Variants in MYO16 observed in about 807,000 individuals in gnomAD.
MYO16 encodes unconventional myosin-XVI.
MYO16 carries 94 observed loss-of-function variants against 205.3 expected under a neutral mutation model. That is an observed-to-expected ratio of 0.46 (90% confidence interval 0.39 to 0.54). The LOEUF is 0.54. MYO16 is among the 20% of genes least tolerant of loss of function. MYO16 has a pLI of 0.00. For synonymous variants in MYO16, 988 were observed against 954.0 expected (o/e 1.04, Z -0.66); for missense variants, 2,315 against 2,387.5 (o/e 0.97, Z 0.63).
At chr13:108,972,249 C>CTCTCTCTCTCTCTATATATA (rs1178345437) in intron 20 of MYO16, among the ~76,000 whole-genome samples, 3 of 2,850 alleles carry the variant, frequency 1.1e-3, no homozygotes, top group Non-Finnish European at 1.8e-3. Context: ...CTCTCTCTCT[C>CTCTCTCTCTCTCTATATATA]TATATATATA....
intron 1 of MYO16, among the ~76,000 whole-genome samples, chr13:108,648,309 A>G (rs947642861): frequency 1.3e-5 from 2 of 152,146 alleles, no homozygotes; most frequent in African/African-American, 4.8e-5. Flanking sequence ...AGCACTGAAT[A>G]CTGATTTTCA....
Position 109,207,182 on chromosome 13 carries a change from G to T in MYO16, c.*346G>T. On this transcript the variant is annotated 3_prime_UTR_variant, in exon 35 of 35. Transcript: ENST00000457511. ...GAAAGGAGCAATCCATGCACACTCT[G>T]TACAGTTGTTTTTCTACGGTTCAAC... 4.2e-6 allele frequency: 1 copy of T among 240,274 alleles called. No individual in the cohort carries two copies. Among genetic ancestry groups the T allele is most frequent in the East Asian group, 9.4e-5 (1 of 10,636 alleles). 14.9% of individuals were successfully genotyped at this position (240,274 alleles called of 1,614,324 possible). A position where few individuals can be genotyped will look rare whatever the true frequency, so the allele number is the denominator to read the frequency against.
At chr13:108,822,680 A>G (rs997978100) in intron 8 of MYO16, among the ~76,000 whole-genome samples, 2 of 152,148 alleles carry the variant, frequency 1.3e-5, no homozygotes, top group Non-Finnish European at 2.9e-5. Flanking sequence ...CTGAGTATTT[A>G]CTTGTACAAC....
At chr13:109,102,727 C>A (rs1450591091) in intron 28 of MYO16, among the ~76,000 whole-genome samples, 2 of 152,096 alleles carry the variant, frequency 1.3e-5, no homozygotes, top group Non-Finnish European at 2.9e-5. Flanking sequence ...TTGGTAAGCC[C>A]TGCCAGCCAT....
chr13:109,005,329 A>G (rs914095877), intron 21 of MYO16, among the ~76,000 whole-genome samples: 1 of 152,202 alleles, frequency 6.6e-6, no homozygotes, highest in African/African-American at 2.4e-5. Context: ...TTAAGAAACC[A>G]TCTTTTACCA....
intron 10 of MYO16, among the ~76,000 whole-genome samples, chr13:108,846,417 A>G (rs989902684): frequency 1.3e-5 from 2 of 152,184 alleles, no homozygotes; most frequent in South Asian, 4.1e-4. Context: ...CTTGTTATAT[A>G]TAAACCCATT....
Position 109,055,620 on chromosome 13 carries a change from G to A in MYO16, c.3335+25G>A, listed in dbSNP as rs775993253. 2.0e-5 allele frequency: 32 copies of A among 1,587,774 alleles called. No homozygotes were observed. In the South Asian group the frequency reaches 2.8e-4, roughly 14 times the overall value. ...GGTAAATTCTTCTGCTCTTAAAATCGTCGTTCTCGCTGCTGTTCAGTGCAG... is the reference window on the plus strand; with the variant it reads ...GGTAAATTCTTCTGCTCTTAAAATCATCGTTCTCGCTGCTGTTCAGTGCAG... On this transcript the variant is annotated intron_variant, in intron 27 of 34. Transcript: ENST00000457511. This position sits in a 1 kb window ranked among gnomAD's most constrained non-coding sequence, Gnocchi z 5.0.
At chr13:108,784,124 A>AG (rs1408011093) in intron 4 of MYO16, among the ~76,000 whole-genome samples, 3 of 152,212 alleles carry the variant, frequency 2.0e-5, no homozygotes, top group African/African-American at 7.2e-5. Context: ...CCTTGACCAA[A>AG]GCACTGCCGT....
chr13:108,806,836 A>C, intron 7 of MYO16, 32 bp downstream of exon 7: 3 of 1,355,332 alleles, frequency 2.2e-6, no homozygotes, highest in Non-Finnish European at 2.9e-6. Context: ...TTTAAAAAAT[A>C]ATTTTATATA....
upstream of MYO16, among the ~76,000 whole-genome samples, chr13:108,626,607 C>A (rs1879745690): frequency 6.6e-6 from 1 of 151,904 alleles, no homozygotes; most frequent in African/African-American, 2.4e-5. Context: ...CAAGCCTGAC[C>A]AGCCTGACTA....
intron 1 of MYO16, among the ~76,000 whole-genome samples, chr13:108,605,028 A>G (rs577157673): frequency 4.6e-5 from 7 of 152,198 alleles, no homozygotes; most frequent in African/African-American, 7.2e-5. Context: ...AGGAATTATC[A>G]GTGGAGTGTT....
At chr13:108,600,519 A>C (rs1172791753) in intron 1 of MYO16, among the ~76,000 whole-genome samples, 1 of 152,162 alleles carries the variant, frequency 6.6e-6, no homozygotes, top group Admixed American at 6.6e-5. Flanking sequence ...TTTAAGTTCC[A>C]TCAATCATCT....
intron 1 of MYO16, among the ~76,000 whole-genome samples, chr13:108,638,637 T>A (rs189005538): frequency 0.018 from 2,794 of 152,278 alleles, 29 homozygotes; most frequent in South Asian, 0.04. Context: ...CCCTCTCACT[T>A]TTCCCACCTA....
intron 4 of MYO16, among the ~76,000 whole-genome samples, chr13:108,734,298 T>C (rs1279026778): frequency 6.6e-6 from 1 of 152,148 alleles, no homozygotes; most frequent in Non-Finnish European, 1.5e-5. Context: ...CTGTTATATA[T>C]CATACATTTG....
chr13:108,957,620 G>A (rs1594425397), intron 16 of MYO16, 68 bp from the exon 17 acceptor site: 9 of 1,062,762 alleles, frequency 8.5e-6, no homozygotes, highest in South Asian at 6.6e-5. Flanking sequence ...TACGGCAGAA[G>A]TGACTTTTAA....
chr13:108,527,460 T>C, the MYO16 span, among the ~76,000 whole-genome samples: 1 of 152,202 alleles, frequency 6.6e-6, no homozygotes, highest in Non-Finnish European at 1.5e-5. Flanking sequence ...CATGACTCCT[T>C]ATTAAACTGT....
chr13:109,197,732 G>C (rs578176897), intron 34 of MYO16, among the ~76,000 whole-genome samples: 1 of 152,238 alleles, frequency 6.6e-6, no homozygotes, highest in East Asian at 1.9e-4. Context: ...TAAATGTATA[G>C]ACATACAGTG....
At position 108,725,064 on chromosome 13, in the gene MYO16, C is replaced by T. The variant is rs981507065; in HGVS notation, c.364-2376C>T. ...CTGCTTTGGATTTCATTCATCTTTT[C>T]TTCTGAAATATCTAGTCTGCTGTTG... is the stretch of plus-strand genomic sequence containing the variant. On this transcript the variant is annotated intron_variant, in intron 3 of 34. Transcript: ENST00000457511. Among the ~76,000 whole-genome samples, 3 of 152,052 alleles carry T rather than the reference C, an allele frequency of 2.0e-5. No homozygotes were observed. In the South Asian group the frequency reaches 6.2e-4, roughly 32 times the overall value.
chr13:108,865,979 T>G (rs559955173), intron 11 of MYO16, among the ~76,000 whole-genome samples, 198 bp from the exon 12 acceptor site: 1 of 152,220 alleles, frequency 6.6e-6, no homozygotes, highest in African/African-American at 2.4e-5. Context: ...TTTATTTAAT[T>G]TGAATTATTT....
Sources: gnomAD v4.1 joint callset for allele counts (sites outside exome capture counted in the v4.1 genomes callset) on GRCh38, gnomAD v4.1.1 for gene constraint, Gnocchi (gnomAD v3.1) non-coding constraint, MANE v1.5 for transcripts, NCBI Gene and HGNC (gene_info 2026-07-23, HGNC 2026-07-21) for gene names.